CSMD1: variants seen among roughly 807,000 people sequenced by gnomAD.
The protein encoded by CSMD1 is CUB and sushi domain-containing protein 1.
Under a neutral mutation model 417.5 loss-of-function variants are expected in CSMD1, and 213 were observed. The observed-to-expected ratio is 0.51, with a 90% CI of 0.46 to 0.57. The LOEUF is 0.57. Ranked by LOEUF, CSMD1 falls within the 20% of genes least tolerant of loss-of-function variation. The pLI is 0.00. For missense variants in CSMD1, 6,923 were observed against 4,529.7 expected (o/e 1.53, Z -15.17); for synonymous variants, 2,862 against 1,736.8 (o/e 1.65, Z -16.11).
chr8:4,962,292 C>G (rs1159451777), intron 1 of CSMD1, among the ~76,000 whole-genome samples: 1 of 151,944 alleles, frequency 6.6e-6, no homozygotes, highest in Non-Finnish European at 1.5e-5. Flanking sequence ...CTTATGGCAG[C>G]TTGGAACTCC....
chr8:3,974,825 C>T (rs1282411497), intron 5 of CSMD1, among the ~76,000 whole-genome samples: 1 of 152,002 alleles, frequency 6.6e-6, no homozygotes, highest in Non-Finnish European at 1.5e-5. Context: ...TCCAATGATG[C>T]AATTAATGTT....
intron 2 of CSMD1, among the ~76,000 whole-genome samples, chr8:4,489,602 T>G (rs926349375): frequency 6.6e-6 from 1 of 152,086 alleles, no homozygotes; most frequent in Non-Finnish European, 1.5e-5. Context: ...ATACCTTCTC[T>G]TTAGTGTGGC....
chr8:4,723,006 A>G (rs1018752916), intron 1 of CSMD1, among the ~76,000 whole-genome samples: 1 of 152,172 alleles, frequency 6.6e-6, no homozygotes, highest in Non-Finnish European at 1.5e-5. Context: ...GCATTACAAG[A>G]GTCTCACTGA....
At chr8:4,806,121 A>G (rs992988405) in intron 1 of CSMD1, among the ~76,000 whole-genome samples, 1 of 152,184 alleles carries the variant, frequency 6.6e-6, no homozygotes, top group African/African-American at 2.4e-5. Flanking sequence ...AAAACGTTTA[A>G]TTACCTAACT....
At chr8:4,127,153 G>A (rs1193303035) in intron 3 of CSMD1, among the ~76,000 whole-genome samples, 4 of 151,992 alleles carry the variant, frequency 2.6e-5, no homozygotes, top group Non-Finnish European at 4.4e-5. Context: ...TGCATCTGCT[G>A]CAGAAACAAA....
At chr8:2,976,020 T>C (rs1043598497) in intron 55 of CSMD1, among the ~76,000 whole-genome samples, 1 of 152,208 alleles carries the variant, frequency 6.6e-6, no homozygotes, top group Non-Finnish European at 1.5e-5. Flanking sequence ...AATTCCCATG[T>C]GTGAAAGCAA....
chr8:4,536,756 G>C (rs995322332), intron 2 of CSMD1, among the ~76,000 whole-genome samples: 1 of 152,124 alleles, frequency 6.6e-6, no homozygotes, highest in African/African-American at 2.4e-5. Context: ...TTTTTGAATA[G>C]ATTCCTGGAA....
chr8:3,378,720 A>C (rs1212836139), intron 18 of CSMD1, among the ~76,000 whole-genome samples: 1 of 152,224 alleles, frequency 6.6e-6, no homozygotes, highest in Non-Finnish European at 1.5e-5. Flanking sequence ...AAAAACTCTC[A>C]ATAAACTAGG....
chr8:3,308,280 T>C, intron 24 of CSMD1, 32 bp downstream of exon 24: 8 of 1,566,758 alleles, frequency 5.1e-6, no homozygotes, highest in Non-Finnish European at 7.0e-6. Flanking sequence ...GGCCTGGCTT[T>C]TGCACAATGG....
intron 4 of CSMD1, among the ~76,000 whole-genome samples, chr8:4,008,533 T>A (rs890722920): frequency 2.0e-5 from 3 of 150,804 alleles, no homozygotes; most frequent in Admixed American, 2.0e-4. Flanking sequence ...TGTTGAAAGT[T>A]ACAGATAAAT....
chr8:3,179,503 C>G (rs1345540453), intron 37 of CSMD1, among the ~76,000 whole-genome samples: 2 of 152,052 alleles, frequency 1.3e-5, no homozygotes, highest in Non-Finnish European at 2.9e-5. Flanking sequence ...ATGATATTGT[C>G]TAGGAATAAA....
chr8:4,140,996 G>C (rs1421674141), intron 3 of CSMD1, among the ~76,000 whole-genome samples: 1 of 151,176 alleles, frequency 6.6e-6, no homozygotes, highest in Admixed American at 6.6e-5. Context: ...GATTTAGGCA[G>C]ACAGAAAGAC....
intron 2 of CSMD1, among the ~76,000 whole-genome samples, chr8:4,457,314 G>C (rs552796649): frequency 1.3e-5 from 2 of 152,022 alleles, no homozygotes; most frequent in South Asian, 2.1e-4. Context: ...GACTACTTTT[G>C]AATTTGTAGA....
chr8:4,083,415 G>T (rs543319844), intron 3 of CSMD1, among the ~76,000 whole-genome samples: 1 of 151,982 alleles, frequency 6.6e-6, no homozygotes, highest in African/African-American at 2.4e-5. Context: ...AATGTCTTCC[G>T]CATCACGCCA....
At chr8:4,404,706 A>T (rs140153960) in intron 3 of CSMD1, among the ~76,000 whole-genome samples, 2 of 151,982 alleles carry the variant, frequency 1.3e-5, no homozygotes, top group Admixed American at 1.3e-4. Context: ...TAATATTTAA[A>T]TTTTACTTAT....
At chr8:3,355,750 C>T (rs962447985) in intron 21 of CSMD1, among the ~76,000 whole-genome samples, 1 of 152,126 alleles carries the variant, frequency 6.6e-6, no homozygotes, top group Non-Finnish European at 1.5e-5. Context: ...GAAGATGTCC[C>T]TAGGTATGGA....
chr8:2,951,039 G>C (rs1802589832), intron 66 of CSMD1, 75 bp downstream of exon 66: 2 of 1,465,956 alleles, frequency 1.4e-6, no homozygotes, highest in Admixed American at 4.1e-5. Flanking sequence ...ATACTTACTA[G>C]ATCACCTCTC....
chr8:3,199,652 C>A (rs1796885348), intron 33 of CSMD1, 62 bp downstream of exon 33: 2 of 1,071,660 alleles, frequency 1.9e-6, no homozygotes, highest in South Asian at 3.5e-5. Flanking sequence ...CTGAGACTAG[C>A]CGTGGGTGCA....
Position 3,399,445 on chromosome 8 carries a change from C to A in CSMD1, c.2351G>T (p.Cys784Phe). The A allele has an allele frequency of 6.2e-7, 1 of 1,610,122 alleles. No individual in the cohort carries two copies. The highest frequency in any genetic ancestry group is 8.5e-7 in the Non-Finnish European group (1 of 1,178,242). ...WPGYYKDSLH[C>F]EWIIEAKPGH... Reference sequence around the variant, plus strand: ...TGGTTTTGCTTCAATTATCCATTCACAATGTAAAGAATCCTTATAATATCC... The same window carrying A: ...TGGTTTTGCTTCAATTATCCATTCAAAATGTAAAGAATCCTTATAATATCC... The change falls in exon 16 of 70, where the codon TGT becomes TTT. Residue 784 changes from cysteine to phenylalanine, a missense_variant. Coordinates refer to ENST00000635120, the MANE Select transcript of CSMD1 (RefSeq NM_033225.6).
Sources: gnomAD v4.1 joint callset for allele counts (sites outside exome capture counted in the v4.1 genomes callset) on GRCh38, gnomAD v4.1.1 for gene constraint, MANE v1.5 for transcripts, NCBI Gene and HGNC (gene_info 2026-07-23, HGNC 2026-07-21) for gene names.